The following SYT1 variants were observed in gnomAD, a reference collection of about 807,000 sequenced individuals.
SYT1 encodes synaptotagmin-1.
SYT1 carries 8 observed loss-of-function variants against 44.8 expected under a neutral mutation model. That is an observed-to-expected ratio of 0.18 (90% CI 0.10 to 0.32). The LOEUF (loss-of-function observed/expected upper bound fraction) is 0.32, where lower values mean the gene tolerates loss of function less well. SYT1 is among the 10% of genes least tolerant of loss of function. SYT1 has a pLI of 1.00. For missense variants in SYT1, 286 were observed against 509.3 expected (o/e 0.56, Z 4.22); for synonymous variants, 154 against 188.8 (o/e 0.82, Z 1.51).
At chr12:79,268,479 A>G (rs1878248990) in intron 4 of SYT1, among the ~76,000 whole-genome samples, 1 of 152,212 alleles carries the variant, frequency 6.6e-6, no homozygotes, top group African/African-American at 2.4e-5. Flanking sequence ...AAACTAATAA[A>G]TTATTTCAAA....
At chr12:79,211,245 T>G (rs1246150608) in intron 3 of SYT1, among the ~76,000 whole-genome samples, 1 of 152,162 alleles carries the variant, frequency 6.6e-6, no homozygotes, top group Non-Finnish European at 1.5e-5. Context: ...GGTTTATAGA[T>G]GGCTACCTTT....
At chr12:79,045,161 TC>T (rs1419929377) in intron 2 of SYT1, among the ~76,000 whole-genome samples, 7 of 152,188 alleles carry the variant, frequency 4.6e-5, no homozygotes, top group Non-Finnish European at 1.0e-4. Flanking sequence ...AGTTCGAGCT[TC>T]CCGGCTGCTT....
intron 4 of SYT1, among the ~76,000 whole-genome samples, chr12:79,234,107 C>G (rs1055292963): frequency 2.6e-5 from 4 of 152,178 alleles, no homozygotes; most frequent in East Asian, 1.9e-4. Context: ...CTTTCTCTCT[C>G]TCTGTCTCCT....
At chr12:79,038,852 G>A (rs563675582) in intron 2 of SYT1, among the ~76,000 whole-genome samples, 11 of 152,006 alleles carry the variant, frequency 7.2e-5, no homozygotes, top group East Asian at 3.9e-4. Flanking sequence ...CTATGCTACC[G>A]AAGCCTCAAA....
At chr12:79,318,217 A>G (rs548121208) in intron 8 of SYT1, among the ~76,000 whole-genome samples, 1 of 152,258 alleles carries the variant, frequency 6.6e-6, no homozygotes, top group Admixed American at 6.5e-5. Flanking sequence ...AATTACTTCT[A>G]ATTTTCCCAG....
At chr12:78,903,430 G>A (rs937003333) in intron 1 of SYT1, among the ~76,000 whole-genome samples, 9 of 151,848 alleles carry the variant, frequency 5.9e-5, no homozygotes, top group Non-Finnish European at 1.3e-4. Flanking sequence ...GGGATTACAG[G>A]CACGCACCAC....
chr12:79,187,751 G>A (rs1209764296), intron 3 of SYT1, among the ~76,000 whole-genome samples: 2 of 151,982 alleles, frequency 1.3e-5, no homozygotes, highest in Admixed American at 6.6e-5. Context: ...TTCAAAGAAG[G>A]CATATTTGGT....
intron 3 of SYT1, among the ~76,000 whole-genome samples, chr12:79,131,690 C>T (rs1175430042): frequency 6.6e-6 from 1 of 152,160 alleles, no homozygotes; most frequent in African/African-American, 2.4e-5. Flanking sequence ...TATATATTCA[C>T]TGACATTAAA....
chr12:79,163,241 G>A, intron 3 of SYT1, among the ~76,000 whole-genome samples: 1 of 152,064 alleles, frequency 6.6e-6, no homozygotes, highest in East Asian at 1.9e-4. Context: ...CCTCTTCAGT[G>A]TTCATGGTAA....
At chr12:78,996,916 A>G (rs551430650) in intron 2 of SYT1, among the ~76,000 whole-genome samples, 23 of 152,244 alleles carry the variant, frequency 1.5e-4, no homozygotes, top group Admixed American at 2.6e-4. Context: ...ATGGTAAGTC[A>G]TAGAAACCAT....
intron 7 of SYT1, 70 bp from the exon 8 acceptor site, chr12:79,299,314 A>G: frequency 6.7e-7 from 1 of 1,499,168 alleles, no homozygotes; most frequent in South Asian, 1.2e-5. Flanking sequence ...TAAATTAAGC[A>G]CCATGAACAA....
At chr12:78,869,273 C>T (rs1438794987) in intron 1 of SYT1, among the ~76,000 whole-genome samples, 1 of 151,848 alleles carries the variant, frequency 6.6e-6, no homozygotes, top group African/African-American at 2.4e-5. Context: ...TCTTGAGGAG[C>T]TAGTTTTATA....
At chr12:79,228,123 T>A (rs8181778) in intron 4 of SYT1, among the ~76,000 whole-genome samples, 109,052 of 151,058 alleles carry the variant, frequency 0.72, 40,027 homozygotes, top group African/African-American at 0.83. Context: ...ACATATCTGA[T>A]AATGCCTAGC....
intron 9 of SYT1, among the ~76,000 whole-genome samples, chr12:79,402,707 G>T (rs1885114052): frequency 6.6e-6 from 1 of 152,186 alleles, no homozygotes. Context: ...AATCCTCAGT[G>T]TGTGAGGCAG....
chr12:79,224,739 A>T (rs1875389363), intron 4 of SYT1, among the ~76,000 whole-genome samples: 2 of 54,840 alleles, frequency 3.6e-5, no homozygotes, highest in Non-Finnish European at 6.5e-5. Flanking sequence ...TTCATTTTTT[A>T]TTTATTTATT....
intron 9 of SYT1, among the ~76,000 whole-genome samples, chr12:79,400,423 T>C (rs1885028540): frequency 6.6e-6 from 1 of 152,214 alleles, no homozygotes. Flanking sequence ...TCCTAGAACT[T>C]CTGGCTTCTA....
At chr12:79,401,458 G>C (rs371533708) in intron 9 of SYT1, among the ~76,000 whole-genome samples, 1 of 152,124 alleles carries the variant, frequency 6.6e-6, no homozygotes, top group East Asian at 1.9e-4. Flanking sequence ...CATGAAGCTA[G>C]TAACATAAGC....
chr12:79,109,729 A>G (rs1000801431), intron 3 of SYT1, among the ~76,000 whole-genome samples: 4 of 152,222 alleles, frequency 2.6e-5, no homozygotes, highest in Non-Finnish European at 4.4e-5. Context: ...GTGATATTTC[A>G]TAGGAGAAAT....
At chr12:79,442,037 G>A (rs938701450) in intron 9 of SYT1, among the ~76,000 whole-genome samples, 2 of 152,156 alleles carry the variant, frequency 1.3e-5, no homozygotes, top group African/African-American at 4.8e-5. Flanking sequence ...TACTGAAATG[G>A]CAGATGTGCA....
Sources: gnomAD v4.1 joint callset for allele counts (sites outside exome capture counted in the v4.1 genomes callset) on GRCh38, gnomAD v4.1.1 for gene constraint, MANE v1.5 for transcripts, NCBI Gene and HGNC (gene_info 2026-07-23, HGNC 2026-07-21) for gene names.